Variants in RFX2 observed in about 807,000 individuals in gnomAD.
The protein encoded by RFX2 is DNA-binding protein RFX2.
A neutral mutation model predicts 87.8 loss-of-function variants in RFX2; 20 were observed. That is an observed-to-expected ratio of 0.23 (90% CI 0.16 to 0.33). The LOEUF is 0.33. RFX2 is among the 10% of genes least tolerant of loss of function. RFX2 has a pLI of 1.00. For synonymous variants in RFX2, 397 were observed against 431.3 expected (o/e 0.92, Z 0.98); for missense variants, 767 against 1,012.3 (o/e 0.76, Z 3.29).
intron 1 of RFX2, among the ~76,000 whole-genome samples, chr19:6,062,018 C>T (rs1347029428): frequency 1.3e-5 from 2 of 151,908 alleles, no homozygotes; most frequent in Non-Finnish European, 2.9e-5. Flanking sequence ...AACTGGGGGC[C>T]GGGGAAGGTG....
Position 6,026,459 on chromosome 19 carries a change from C to T in RFX2, c.523-222G>A, listed in dbSNP as rs898347570. ...GTTGCTTCGCACACGTAGGTAAGCC[C>T]GAGAGCCCGTCCAACAGAAGCAGCA... On this transcript the variant is annotated intron_variant, in intron 5 of 17. Transcript: ENST00000303657. The surrounding 1 kb of genome is among the most constrained non-coding windows in gnomAD (Gnocchi z 4.5). The T allele has an allele frequency of 2.7e-5, 16 of 582,678 alleles. No homozygotes were observed. Among genetic ancestry groups the T allele is most frequent in the Non-Finnish European group, 3.7e-5 (12 of 328,580 alleles). The allele number at this position is 582,678 out of a possible 1,614,324, so 36.1% of individuals were successfully genotyped here. A position where few individuals can be genotyped will look rare whatever the true frequency, so the allele number is the denominator to read the frequency against.
At chr19:6,067,507 G>A (rs917379011) in intron 1 of RFX2, among the ~76,000 whole-genome samples, 2 of 152,192 alleles carry the variant, frequency 1.3e-5, no homozygotes, top group African/African-American at 2.4e-5. Flanking sequence ...GGACACACAA[G>A]GGACACATAT....
intron 1 of RFX2, among the ~76,000 whole-genome samples, chr19:6,097,011 C>A (rs140376818): frequency 1.1e-4 from 17 of 152,228 alleles, no homozygotes; most frequent in Middle Eastern, 3.4e-3. Context: ...AGGGTCTGAA[C>A]TGGAACAGTA....
chr19:5,996,823 A>T (rs1396425623), intron 16 of RFX2, among the ~76,000 whole-genome samples: 1 of 152,240 alleles, frequency 6.6e-6, no homozygotes, highest in East Asian at 1.9e-4. Context: ...ACTTGGACAG[A>T]GCCCCAAATC....
In RFX2 at chr19:6,032,950, AG is replaced by A. The variant is rs3838919; in HGVS notation, c.523-6714del. On this transcript the variant is annotated intron_variant, in intron 5 of 17. Coordinates refer to ENST00000303657, the MANE Select transcript of RFX2 (RefSeq NM_000635.4). ...CATACAGGCATGTGCCACCACAACCAGGGAATTTTTGTATTTTTTGTAGAGA... is the reference window on the plus strand; with the variant it reads ...CATACAGGCATGTGCCACCACAACCAGGAATTTTTGTATTTTTTGTAGAGA... 1.3e-3 allele frequency among the ~76,000 whole-genome samples: 198 copies of A among 152,264 alleles called. 2 individuals are homozygous for A. The East Asian group carries it at 0.031, about 24-fold the overall frequency.
At chr19:6,006,133 G>T (rs1424651449) in intron 12 of RFX2, among the ~76,000 whole-genome samples, 1 of 152,234 alleles carries the variant, frequency 6.6e-6, no homozygotes, top group Non-Finnish European at 1.5e-5. Context: ...TGCCAGAGGG[G>T]ACACATTCTA....
chr19:6,087,957 A>G (rs2087877509), intron 1 of RFX2, among the ~76,000 whole-genome samples: 1 of 152,136 alleles, frequency 6.6e-6, no homozygotes, highest in South Asian at 2.1e-4. Context: ...AATTAATTTC[A>G]GAAACCACTC....
In RFX2 at chr19:6,002,966, G is replaced by A. The variant is rs1014134019; in HGVS notation, c.1501-96C>T. Reference sequence around the variant, plus strand: ...TGTGTGGGCTCAGGGACAACACAGGGAGGAGGGAGCAGGAAACAGCAACCT... The same window carrying A: ...TGTGTGGGCTCAGGGACAACACAGGAAGGAGGGAGCAGGAAACAGCAACCT... On this transcript the variant is annotated intron_variant, in intron 13 of 17. Transcript: ENST00000303657. The surrounding 1 kb of genome is among the most constrained non-coding windows in gnomAD (Gnocchi z 6.7). 2.3e-5 allele frequency: 32 copies of A among 1,404,760 alleles called. No homozygotes were observed. The Admixed American group carries it at 6.9e-4, about 30-fold the overall frequency. The allele number at this position is 1,404,760 out of a possible 1,614,324, so 87.0% of individuals were successfully genotyped here.
chr19:6,003,081 T>C (rs2086517091), intron 13 of RFX2, among the ~76,000 whole-genome samples: 1 of 152,142 alleles, frequency 6.6e-6, no homozygotes, highest in Non-Finnish European at 1.5e-5. Context: ...ATCACACACG[T>C]CGCTAACTGA....
In RFX2 at chr19:6,004,189, C is replaced by T; in HGVS notation, c.1500+12G>A. The T allele has an allele frequency of 5.6e-6, 9 of 1,609,010 alleles. No homozygotes were observed. The highest frequency in any genetic ancestry group is 7.7e-6 in the Non-Finnish European group (9 of 1,175,356). On this transcript the variant is annotated intron_variant, in intron 13 of 17. Transcript: ENST00000303657. The surrounding 1 kb of genome is among the most constrained non-coding windows in gnomAD (Gnocchi z 4.8). The stretch of plus-strand genomic sequence containing the variant: ...CCATCGTTGGGGAGCCCAGGCCCCA[C>T]CCCGGACGCACCTTGGTCTGGATGA...
chr19:6,108,372 CAGA>C (rs2088253728), intron 1 of RFX2, among the ~76,000 whole-genome samples: 1 of 152,134 alleles, frequency 6.6e-6, no homozygotes, highest in Admixed American at 6.5e-5. Flanking sequence ...CCTCCTTATC[CAGA>C]AGGACGGGAG....
Position 6,010,903 on chromosome 19 carries a change from G to A in RFX2, c.900-652C>T, listed in dbSNP as rs2086651704. ...AGGCCGAGGCAGGTGGATCATCTGA[G>A]GTCGGGAGTTCGAGACCAGCCTGAC... On this transcript the variant is annotated intron_variant, in intron 8 of 17. Coordinates refer to ENST00000303657, the MANE Select transcript of RFX2 (RefSeq NM_000635.4). The surrounding 1 kb of genome is among the most constrained non-coding windows in gnomAD (Gnocchi z 5.0). Among the ~76,000 whole-genome samples the A allele has an allele frequency of 6.6e-6, 1 of 152,162 alleles. No homozygotes were observed. Among genetic ancestry groups the A allele is most frequent in the Admixed American group, 6.6e-5 (1 of 15,260 alleles).
rs1018208210 is a variant in RFX2 at position 6,024,860 on chromosome 19, C to T, written c.597+1303G>A. ...GAGGACGGGAGTGAGGACGGGATCA[C>T]GGTGAGGACGGGAGTGAGGACGGGA... On this transcript the variant is annotated intron_variant, in intron 6 of 17. Transcript: ENST00000303657. This position sits in a 1 kb window ranked among gnomAD's most constrained non-coding sequence, Gnocchi z 5.0. 7.2e-6 allele frequency among the ~76,000 whole-genome samples: 1 copy of T among 138,218 alleles called. No individual in the cohort carries two copies. The highest frequency in any genetic ancestry group is 1.5e-5 in the Non-Finnish European group (1 of 64,686). 90.7% of individuals were successfully genotyped at this position (138,218 alleles called of 152,430 possible). A position where few individuals can be genotyped will look rare whatever the true frequency, so the allele number is the denominator to read the frequency against.
chr19:6,059,288 A>G (rs2087394203), intron 1 of RFX2, among the ~76,000 whole-genome samples: 1 of 152,076 alleles, frequency 6.6e-6, no homozygotes, highest in Non-Finnish European at 1.5e-5. Context: ...CCTTGATTTG[A>G]CTATTAATAT....
At position 6,001,337 on chromosome 19, in the gene RFX2, A is replaced by G. The variant is rs1448783147; in HGVS notation, c.1859+478T>C. Among the ~76,000 whole-genome samples, 1 of 152,182 alleles carries G rather than the reference A, an allele frequency of 6.6e-6. No individual in the cohort carries two copies. Among genetic ancestry groups the G allele is most frequent in the Non-Finnish European group, 1.5e-5 (1 of 68,036 alleles). On this transcript the variant is annotated intron_variant, in intron 15 of 17. Transcript: ENST00000303657. This position sits in a 1 kb window ranked among gnomAD's most constrained non-coding sequence, Gnocchi z 5.6. ...GGGTACAGTGGTGCAATCTTGGCTC[A>G]CTGCAGCCTGGACCGCCTGGGCTCA...
At chr19:6,037,707 C>T (rs139330269) in intron 5 of RFX2, among the ~76,000 whole-genome samples, 17 of 152,170 alleles carry the variant, frequency 1.1e-4, no homozygotes, top group East Asian at 3.9e-4. Context: ...AAATAGTCAA[C>T]GCAATACTGA....
chr19:6,104,558 G>T (rs910103900), intron 1 of RFX2, among the ~76,000 whole-genome samples: 3 of 142,704 alleles, frequency 2.1e-5, no homozygotes, highest in Non-Finnish European at 4.5e-5. Flanking sequence ...AACAGAGTGA[G>T]ACTCCATCTC....
In RFX2 at chr19:6,083,416, C is replaced by A. The variant is rs187781641; in HGVS notation, c.-9+26977G>T. On this transcript the variant is annotated intron_variant, in intron 1 of 17. Transcript: ENST00000303657. This position sits in a 1 kb window ranked among gnomAD's most constrained non-coding sequence, Gnocchi z 4.6. ...TGGACACTGAAATTTAATTTCATATCATTTTCATGTGTCACAAAATATTTT... is the reference window on the plus strand; with the variant it reads ...TGGACACTGAAATTTAATTTCATATAATTTTCATGTGTCACAAAATATTTT... 6.6e-6 allele frequency among the ~76,000 whole-genome samples: 1 copy of A among 152,162 alleles called. No homozygotes were observed. The highest frequency in any genetic ancestry group is 6.5e-5 in the Admixed American group (1 of 15,284).
intron 6 of RFX2, among the ~76,000 whole-genome samples, chr19:6,025,448 TAA>T (rs2086874508): frequency 6.6e-6 from 1 of 152,232 alleles, no homozygotes; most frequent in Non-Finnish European, 1.5e-5. Flanking sequence ...GAAAATTAGC[TAA>T]GAGTCTAAGG....
Sources: gnomAD v4.1 joint callset for allele counts (sites outside exome capture counted in the v4.1 genomes callset) on GRCh38, gnomAD v4.1.1 for gene constraint, Gnocchi (gnomAD v3.1) non-coding constraint, MANE v1.5 for transcripts, NCBI Gene and HGNC (gene_info 2026-07-23, HGNC 2026-07-21) for gene names.